TMEM26: variants seen among roughly 807,000 people sequenced by gnomAD.
TMEM26 encodes the protein transmembrane protein 26.
Under a neutral mutation model 28.8 loss-of-function variants are expected in TMEM26, and 38 were observed. The observed-to-expected ratio is 1.32, with a 90% confidence interval of 1.02 to 1.73. The LOEUF is 1.73. Ranked by LOEUF, TMEM26 falls within the 40% of genes most tolerant of loss-of-function variation. The probability of loss-of-function intolerance (pLI) is 0.00; values close to 1 mark genes in which losing one functional copy is unlikely to be tolerated. For synonymous variants in TMEM26, 227 were observed against 182.9 expected, an observed-to-expected ratio of 1.24 and a Z score of -1.95; for missense variants, 518 against 447.1, an observed-to-expected ratio of 1.16 and a Z score of -1.43.
At chr10:61,449,940 A>G (rs1165419417) in intron 1 of TMEM26, among the ~76,000 whole-genome samples, 1 of 152,156 alleles carries the variant, frequency 6.6e-6, no homozygotes, top group Non-Finnish European at 1.5e-5. Context: ...CTGATAATAT[A>G]TCATGGACAT....
At position 61,429,097 on chromosome 10, in the gene TMEM26, G is replaced by A. The variant is rs1305469221; in HGVS notation, c.434C>T (p.Thr145Ile). Residue 145 changes from threonine to isoleucine, a missense_variant, in exon 4 of 6, where the codon ACA becomes ATA. Thr to Ile is a moderately conservative substitution (Grantham distance 89). Coordinates refer to ENST00000399298, the MANE Select transcript of TMEM26 (RefSeq NM_178505.8). Reference protein sequence around the residue: ...NLSTVCEKVWTLGLHQTFLLM... With the variant: ...NLSTVCEKVWILGLHQTFLLM... The stretch of plus-strand genomic sequence containing the variant: ...CAGGAATGTCTGATGGAGTCCCAAT[G>A]TCCAAACTTTCTCACATACTGTAGA... The A allele has an allele frequency of 9.9e-6, 16 of 1,613,134 alleles. 1 individual carries two copies. Among genetic ancestry groups the A allele is most frequent in the South Asian group, 2.2e-5 (2 of 91,070 alleles).
intron 1 of TMEM26, among the ~76,000 whole-genome samples, chr10:61,444,870 C>A (rs2135333392): frequency 6.6e-6 from 1 of 152,142 alleles, no homozygotes; most frequent in South Asian, 2.1e-4. Context: ...TCCCCATCTG[C>A]AAGCAGAGGC....
chr10:61,435,526 T>C (rs1411858005), intron 2 of TMEM26, among the ~76,000 whole-genome samples: 1 of 152,188 alleles, frequency 6.6e-6, no homozygotes, highest in East Asian at 1.9e-4. Context: ...CTAATACATA[T>C]AAGCTCACCT....
chr10:61,411,043 C>T (rs776600658), intron 5 of TMEM26, among the ~76,000 whole-genome samples: 1 of 152,130 alleles, frequency 6.6e-6, no homozygotes, highest in Non-Finnish European at 1.5e-5. Context: ...GTGCTTATAG[C>T]CCAAGCTCCT....
intron 4 of TMEM26, among the ~76,000 whole-genome samples, chr10:61,426,571 A>G (rs1839836512): frequency 6.6e-6 from 1 of 152,124 alleles, no homozygotes; most frequent in Non-Finnish European, 1.5e-5. Flanking sequence ...TAGCTAGAAA[A>G]TAGGGAAGAG....
Position 61,410,529 on chromosome 10 carries a change from T to C in TMEM26, c.900A>G (p.Gln300=), listed in dbSNP as rs755609953. The change falls in exon 6 of 6, where the codon CAA becomes CAG. Residue 300 remains glutamine, a synonymous_variant. Coordinates refer to ENST00000399298, the MANE Select transcript of TMEM26 (RefSeq NM_178505.8). ...ATGCCAGCACCACCAAGCGGTAGAG[T>C]TGCAACACCACCACGAGGAAGTTCT... ...AAKNFLVVVL[Q]LYRLVVLALA... The C allele has an allele frequency of 2.2e-5, 35 of 1,613,722 alleles. No individual in the cohort carries two copies. In the South Asian group the frequency reaches 3.5e-4, roughly 16 times the overall value.
chr10:61,433,313 C>G (rs1839952546), intron 2 of TMEM26, among the ~76,000 whole-genome samples: 1 of 152,126 alleles, frequency 6.6e-6, no homozygotes. Context: ...TGACTTCACT[C>G]TTAAAACCTA....
chr10:61,435,129 T>A (rs1232928762), intron 2 of TMEM26, among the ~76,000 whole-genome samples: 1 of 152,174 alleles, frequency 6.6e-6, no homozygotes, highest in African/African-American at 2.4e-5. Flanking sequence ...TAGAGTTGTC[T>A]GTGTAGAAAA....
chr10:61,450,754 A>C (rs949799440), intron 1 of TMEM26, among the ~76,000 whole-genome samples: 7 of 152,110 alleles, frequency 4.6e-5, no homozygotes, highest in Non-Finnish European at 7.3e-5. Flanking sequence ...GTTCTTCCAA[A>C]ATAAAGGTGA....
At position 61,429,164 on chromosome 10, in the gene TMEM26, C is replaced by A. The variant is rs771109577; in HGVS notation, c.385-18G>T. 1.9e-6 allele frequency: 3 copies of A among 1,598,080 alleles called. No homozygotes were observed. The highest frequency in any genetic ancestry group is 2.2e-5 in the South Asian group (2 of 90,636). ...ACTTTGGCCTGTTTAACAGAAATGT[C>A]ATACAGACAGGATTATCAGCCACCA... is the stretch of plus-strand genomic sequence containing the variant. On this transcript the variant is annotated intron_variant, in intron 3 of 5. Coordinates refer to ENST00000399298, the MANE Select transcript of TMEM26 (RefSeq NM_178505.8).
intron 1 of TMEM26, among the ~76,000 whole-genome samples, chr10:61,448,714 C>T (rs968264473): frequency 6.7e-6 from 1 of 149,430 alleles, no homozygotes; most frequent in Non-Finnish European, 1.5e-5. Flanking sequence ...TCTGATTGAA[C>T]TTAATAAAGT....
rs570466015 is a variant in TMEM26, at chr10:61,409,231, A to C, written c.*1091T>G. The stretch of plus-strand genomic sequence containing the variant: ...TCAATACTGGGAAAATGAAGTCTTA[A>C]TGCAAGAAAATAAAGCGAATTGCCT... On this transcript the variant is annotated 3_prime_UTR_variant, in exon 6 of 6. Coordinates refer to ENST00000399298, the MANE Select transcript of TMEM26 (RefSeq NM_178505.8). 1 of 152,352 alleles carries C rather than the reference A, an allele frequency of 6.6e-6. No individual in the cohort carries two copies. The highest frequency in any genetic ancestry group is 1.5e-5 in the Non-Finnish European group (1 of 68,036). 9.4% of individuals were successfully genotyped at this position (152,352 alleles called of 1,614,324 possible). A position where few individuals can be genotyped will look rare whatever the true frequency, so the allele number is the denominator to read the frequency against.
At chr10:61,444,429 T>C (rs766775720) in intron 1 of TMEM26, among the ~76,000 whole-genome samples, 35 of 152,192 alleles carry the variant, frequency 2.3e-4, no homozygotes, top group Non-Finnish European at 4.7e-4. Flanking sequence ...ATTTCTGTTC[T>C]GTAGAGGAGA....
At chr10:61,430,210 T>C (rs2135310796) in intron 3 of TMEM26, among the ~76,000 whole-genome samples, 1 of 152,176 alleles carries the variant, frequency 6.6e-6, no homozygotes. Context: ...CTGATATAAA[T>C]AAATTGTGAT....
At chr10:61,416,312 A>G (rs1470437632) in intron 4 of TMEM26, among the ~76,000 whole-genome samples, 1 of 152,130 alleles carries the variant, frequency 6.6e-6, no homozygotes, top group Non-Finnish European at 1.5e-5. Flanking sequence ...CCAAGTGACC[A>G]GAATTCTAAC....
rs953857542 is a variant in TMEM26, at chr10:61,407,811, T to G, written c.*2511A>C. On this transcript the variant is annotated 3_prime_UTR_variant, in exon 6 of 6. Transcript: ENST00000399298. The stretch of plus-strand genomic sequence containing the variant: ...GAGGGGTTATGATAGAGAGGATGAC[T>G]TGCATCACATTATACAGGTGTTGTG... The G allele has an allele frequency of 9.2e-5, 14 of 152,118 alleles. No individual in the cohort carries two copies. Among genetic ancestry groups the G allele is most frequent in the African/African-American group, 3.1e-4 (13 of 41,424 alleles). 9.4% of individuals were successfully genotyped at this position (152,118 alleles called of 1,614,324 possible).
chr10:61,427,352 C>T (rs543644999), intron 4 of TMEM26, among the ~76,000 whole-genome samples: 3 of 152,100 alleles, frequency 2.0e-5, no homozygotes, highest in South Asian at 2.1e-4. Flanking sequence ...TGTCCTTTTA[C>T]TAATACTTGC....
At position 61,410,551 on chromosome 10, in the gene TMEM26, T is replaced by C. The variant is rs1411507186; in HGVS notation, c.878A>G (p.Asn293Ser). Reference sequence around the variant, plus strand: ...GAGTTGCAACACCACCACGAGGAAGTTCTTCGCGGCAAAGAACACCAGCAT... The same window carrying C: ...GAGTTGCAACACCACCACGAGGAAGCTCTTCGCGGCAAAGAACACCAGCAT... ...NQMLVFFAAK[N>S]FLVVVLQLYR... The change falls in exon 6 of 6, where the codon AAC becomes AGC. Residue 293 changes from asparagine to serine, a missense_variant. By Grantham distance (46) the Asn-to-Ser change is conservative. Coordinates refer to ENST00000399298, the MANE Select transcript of TMEM26 (RefSeq NM_178505.8). 5 of 1,614,030 alleles carry C rather than the reference T, an allele frequency of 3.1e-6. No homozygotes were observed. In the South Asian group the frequency reaches 3.3e-5, roughly 11 times the overall value.
At chr10:61,419,221 C>T (rs1839703359) in intron 4 of TMEM26, among the ~76,000 whole-genome samples, 1 of 151,912 alleles carries the variant, frequency 6.6e-6, no homozygotes, top group Admixed American at 6.6e-5. Context: ...ATACATTATC[C>T]AAAATGCCCA....
Sources: allele counts gnomAD v4.1 joint callset (sites outside exome capture counted in the v4.1 genomes callset), GRCh38; gene constraint gnomAD v4.1.1; transcripts MANE v1.5; gene names NCBI Gene and HGNC (gene_info 2026-07-23, HGNC 2026-07-21).